The following NDUFAF2 variants were observed in gnomAD, a reference collection of about 807,000 sequenced individuals.
The protein encoded by NDUFAF2 is NADH dehydrogenase [ubiquinone] 1 alpha subcomplex assembly factor 2.
Under a neutral mutation model 22.8 loss-of-function variants are expected in NDUFAF2, and 13 were observed. That is an observed-to-expected ratio of 0.57 (90% confidence interval 0.37 to 0.91). The LOEUF (loss-of-function observed/expected upper bound fraction) is 0.91. Among genes scored for constraint, NDUFAF2 ranks in the 40% least tolerant of loss-of-function variants. NDUFAF2 has a pLI of 0.01. For missense variants in NDUFAF2, 162 were observed against 195.2 expected (o/e 0.83, Z 1.01); for synonymous variants, 53 against 64.2 (o/e 0.83, Z 0.84).
chr5:60,979,832 C>G lies in NDUFAF2; in HGVS notation c.127+34450C>G, dbSNP rs1750952908. Among the ~76,000 whole-genome samples, 4 of 152,280 alleles carry G rather than the reference C, an allele frequency of 2.6e-5. No homozygotes were observed. In the South Asian group the frequency reaches 8.3e-4, roughly 32 times the overall value. ...ACTTGAGAGAACATAGATGGGGTAG[C>G]CAGGCATTGGTCACTGTAGTCCTTA... is the stretch of plus-strand genomic sequence containing the variant. On this transcript the variant is annotated intron_variant, in intron 1 of 3. Coordinates refer to ENST00000296597, the MANE Select transcript of NDUFAF2 (RefSeq NM_174889.5).
chr5:61,146,605 T>G (rs2111831484), intron 3 of NDUFAF2, among the ~76,000 whole-genome samples: 1 of 152,334 alleles, frequency 6.6e-6, no homozygotes, highest in East Asian at 1.9e-4. Context: ...TATAAGTGTC[T>G]TTTTTCCTGT....
chr5:60,959,457 A>G (rs1750656560), intron 1 of NDUFAF2, among the ~76,000 whole-genome samples: 1 of 152,078 alleles, frequency 6.6e-6, no homozygotes, highest in Admixed American at 6.5e-5. Flanking sequence ...CCTAATCAGT[A>G]ATGCACAATG....
At chr5:61,096,428 G>A (rs946075341) in intron 2 of NDUFAF2, among the ~76,000 whole-genome samples, 3 of 151,590 alleles carry the variant, frequency 2.0e-5, no homozygotes, top group African/African-American at 4.8e-5. Flanking sequence ...GTGAAACCCC[G>A]TCTCTACTAA....
Position 61,152,874 on chromosome 5 carries a change from C to G in NDUFAF2, c.429C>G (p.Pro143=). The change falls in exon 4 of 4, where the codon CCC becomes CCG. Residue 143 remains proline, a synonymous_variant. Transcript: ENST00000296597. Reference sequence around the variant, plus strand: ...CTCCATACTTTGGAAAGGAAGAACCCTCAGTGGCTCCCAGCAGCACTGGTA... The same window carrying G: ...CTCCATACTTTGGAAAGGAAGAACCGTCAGTGGCTCCCAGCAGCACTGGTA... The part of the protein sequence containing the change: ...ASAPYFGKEE[P]SVAPSSTGKT... 6.2e-7 allele frequency: 1 copy of G among 1,611,322 alleles called. No homozygotes were observed. Among genetic ancestry groups the G allele is most frequent in the Non-Finnish European group, 8.5e-7 (1 of 1,178,454 alleles).
chr5:61,056,950 A>G (rs1459558603), intron 1 of NDUFAF2, among the ~76,000 whole-genome samples: 1 of 127,346 alleles, frequency 7.9e-6, no homozygotes. Flanking sequence ...ATATATATAT[A>G]TATTTATATG....
chr5:61,066,068 C>T (rs1431007018), intron 1 of NDUFAF2, among the ~76,000 whole-genome samples: 2 of 151,782 alleles, frequency 1.3e-5, no homozygotes, highest in East Asian at 3.9e-4. Context: ...TAATACACAA[C>T]CTAACTGAAA....
intron 2 of NDUFAF2, among the ~76,000 whole-genome samples, chr5:61,091,020 G>T (rs899404421): frequency 3.9e-5 from 6 of 151,976 alleles, no homozygotes; most frequent in African/African-American, 1.4e-4. Context: ...GCATGATCTT[G>T]TTCTTTTTTA....
intron 3 of NDUFAF2, among the ~76,000 whole-genome samples, chr5:61,117,012 A>C (rs921497131): frequency 6.6e-6 from 1 of 152,188 alleles, no homozygotes; most frequent in Non-Finnish European, 1.5e-5. Context: ...TACATAACTC[A>C]CTTGTTGACA....
chr5:61,046,264 T>C (rs887957776), intron 1 of NDUFAF2, among the ~76,000 whole-genome samples: 1 of 152,158 alleles, frequency 6.6e-6, no homozygotes, highest in Admixed American at 6.6e-5. Flanking sequence ...GGAATTGGCC[T>C]GTGTTTTCTT....
At chr5:60,948,483 A>T (rs996520004) in intron 1 of NDUFAF2, among the ~76,000 whole-genome samples, 1 of 151,162 alleles carries the variant, frequency 6.6e-6, no homozygotes, top group Non-Finnish European at 1.5e-5. Flanking sequence ...AAGTGCTGGG[A>T]TTACAGATGT....
At chr5:61,129,085 A>G (rs1753074154) in intron 3 of NDUFAF2, among the ~76,000 whole-genome samples, 1 of 152,210 alleles carries the variant, frequency 6.6e-6, no homozygotes, top group Admixed American at 6.5e-5. Flanking sequence ...GCAAATCAAA[A>G]CCACAGTGAG....
At chr5:61,079,822 A>C (rs1752418374) in intron 2 of NDUFAF2, among the ~76,000 whole-genome samples, 1 of 152,160 alleles carries the variant, frequency 6.6e-6, no homozygotes, top group African/African-American at 2.4e-5. Context: ...TGGTCTCCCT[A>C]GACTCCCAGC....
chr5:61,096,929 A>T (rs945790762), intron 2 of NDUFAF2, among the ~76,000 whole-genome samples: 2 of 152,192 alleles, frequency 1.3e-5, no homozygotes, highest in Non-Finnish European at 2.9e-5. Context: ...ACACCATTGC[A>T]CTACAGCCTG....
intron 1 of NDUFAF2, among the ~76,000 whole-genome samples, chr5:60,993,484 C>G (rs1244973597): frequency 6.6e-6 from 1 of 152,146 alleles, no homozygotes; most frequent in African/African-American, 2.4e-5. Flanking sequence ...GGTATGTGGA[C>G]AAGTGGAGGG....
At chr5:61,078,841 G>A (rs1277103145) in intron 2 of NDUFAF2, among the ~76,000 whole-genome samples, 2 of 152,184 alleles carry the variant, frequency 1.3e-5, no homozygotes. Context: ...AGTGAACCTT[G>A]TAAGTTTAAT....
At chr5:61,076,516 C>G (rs1752372605) in intron 2 of NDUFAF2, among the ~76,000 whole-genome samples, 1 of 152,156 alleles carries the variant, frequency 6.6e-6, no homozygotes, top group Admixed American at 6.5e-5. Flanking sequence ...GGAACATGCT[C>G]AGATGTTTGA....
intron 1 of NDUFAF2, among the ~76,000 whole-genome samples, chr5:61,067,309 C>G (rs533324562): frequency 6.8e-6 from 1 of 146,790 alleles, no homozygotes; most frequent in Non-Finnish European, 1.5e-5. Flanking sequence ...TCCCTCCCCC[C>G]TCCCCCTACC....
intron 1 of NDUFAF2, among the ~76,000 whole-genome samples, chr5:61,039,456 A>G (rs990750285): frequency 6.6e-6 from 1 of 152,204 alleles, no homozygotes; most frequent in African/African-American, 2.4e-5. Flanking sequence ...TTAAAGAAAT[A>G]TTTCTGCTTC....
intron 2 of NDUFAF2, among the ~76,000 whole-genome samples, chr5:61,092,150 G>T (rs540286449): frequency 6.6e-6 from 1 of 152,046 alleles, no homozygotes; most frequent in Non-Finnish European, 1.5e-5. Flanking sequence ...TGTTTTGTTT[G>T]TTTGTTTTTT....
Sources: gnomAD v4.1 joint callset for allele counts (sites outside exome capture counted in the v4.1 genomes callset) on GRCh38, gnomAD v4.1.1 for gene constraint, MANE v1.5 for transcripts, NCBI Gene and HGNC (gene_info 2026-07-23, HGNC 2026-07-21) for gene names.